PGM5: variants seen among roughly 807,000 people sequenced by gnomAD.
PGM5 encodes phosphoglucomutase-like protein 5.
In PGM5, 23 loss-of-function variants were observed where a neutral mutation model predicts 59.2. The ratio of observed to expected loss-of-function variants is 0.39; its 90% CI spans 0.28 to 0.55. The LOEUF is 0.55. Ranked by LOEUF, PGM5 falls within the 20% of genes least tolerant of loss-of-function variation. The pLI is 0.66. For synonymous variants in PGM5, 214 were observed against 286.0 expected (o/e 0.75, Z 2.54); for missense variants, 574 against 748.3 (o/e 0.77, Z 2.72).
intron 10 of PGM5, among the ~76,000 whole-genome samples, chr9:68,513,571 A>G (rs1181072243): frequency 1.3e-5 from 2 of 152,234 alleles, no homozygotes; most frequent in African/African-American, 2.4e-5. Flanking sequence ...GTGCTGTGAC[A>G]TTGCATGTCC....
Position 68,410,559 on chromosome 9 carries a change from G to C in PGM5, c.1043+18086G>C, listed in dbSNP as rs187288578. Among the ~76,000 whole-genome samples the C allele has an allele frequency of 6.4e-3, 945 of 147,346 alleles. 7 individuals carry two copies. Among genetic ancestry groups the C allele is most frequent in the African/African-American group, 0.024 (911 of 38,122 alleles). The stretch of plus-strand genomic sequence containing the variant: ...TGATGATGGTGATGAGGATGATGAT[G>C]AGGAGGAGGAGGAGGAGGAGGAGAG... On this transcript the variant is annotated intron_variant, in intron 6 of 10. Transcript: ENST00000396396.
At chr9:68,357,567 G>A (rs1386163094) in intron 1 of PGM5, among the ~76,000 whole-genome samples, 179 bp downstream of exon 1, 1 of 152,138 alleles carries the variant, frequency 6.6e-6, no homozygotes, top group African/African-American at 2.4e-5. Context: ...CAGCCTCCCC[G>A]GTGCACCCCG....
intron 10 of PGM5, among the ~76,000 whole-genome samples, chr9:68,508,753 C>T (rs1473927597): frequency 2.0e-5 from 3 of 152,236 alleles, no homozygotes; most frequent in Non-Finnish European, 4.4e-5. Flanking sequence ...CACAATCTGC[C>T]TTTCCCAGCA....
intron 2 of PGM5, among the ~76,000 whole-genome samples, chr9:68,380,710 A>G (rs1219952318): frequency 6.6e-6 from 1 of 151,922 alleles, no homozygotes; most frequent in African/African-American, 2.4e-5. Context: ...TCACTAAAAA[A>G]AGCAGACTCA....
At chr9:68,391,912 T>A (rs1352530421) in intron 5 of PGM5, among the ~76,000 whole-genome samples, 188 bp downstream of exon 5, 1 of 152,168 alleles carries the variant, frequency 6.6e-6, no homozygotes, top group Non-Finnish European at 1.5e-5. Flanking sequence ...TTTTCTTAGT[T>A]CCAGATTTAC....
At chr9:68,407,272 C>A (rs1554681222) in intron 6 of PGM5, among the ~76,000 whole-genome samples, 1 of 152,090 alleles carries the variant, frequency 6.6e-6, no homozygotes, top group Admixed American at 6.6e-5. Context: ...GGAACACAGA[C>A]ATGCACCACC....
At chr9:68,390,790 A>G (rs1238135233) in intron 4 of PGM5, among the ~76,000 whole-genome samples, 9 of 151,840 alleles carry the variant, frequency 5.9e-5, no homozygotes, top group South Asian at 4.2e-4. Flanking sequence ...TTCCACCAGA[A>G]ATGCTGCTTC....
intron 2 of PGM5, 33 bp downstream of exon 2, chr9:68,378,394 G>T (rs201293913): frequency 2.4e-5 from 38 of 1,552,518 alleles, no homozygotes; most frequent in Admixed American, 6.0e-5. Flanking sequence ...TAATAATTAC[G>T]ATTTCTTTCC....
chr9:68,381,194 T>C (rs1554678278), intron 2 of PGM5, among the ~76,000 whole-genome samples: 2 of 151,748 alleles, frequency 1.3e-5, no homozygotes, highest in African/African-American at 4.8e-5. Context: ...CAACAACACA[T>C]TAAAGAAATT....
At chr9:68,422,542 T>A (rs970872257) in intron 6 of PGM5, among the ~76,000 whole-genome samples, 2 of 152,078 alleles carry the variant, frequency 1.3e-5, no homozygotes, top group Non-Finnish European at 2.9e-5. Context: ...TCCTCCTGCC[T>A]CAGCCTCCCA....
chr9:68,479,719 G>A (rs1220247818), intron 8 of PGM5, among the ~76,000 whole-genome samples, 166 bp downstream of exon 8: 1 of 152,184 alleles, frequency 6.6e-6, no homozygotes, highest in Non-Finnish European at 1.5e-5. Flanking sequence ...CGGATCACGA[G>A]GTCAGGAGAT....
At chr9:68,451,205 A>G (rs1823690301) in intron 6 of PGM5, among the ~76,000 whole-genome samples, 1 of 152,226 alleles carries the variant, frequency 6.6e-6, no homozygotes, top group African/African-American at 2.4e-5. Flanking sequence ...AAAGACCTGA[A>G]AACAATTATA....
intron 10 of PGM5, among the ~76,000 whole-genome samples, chr9:68,520,340 A>G (rs2132118758): frequency 6.6e-6 from 1 of 152,220 alleles, no homozygotes; most frequent in South Asian, 2.1e-4. Flanking sequence ...TAAAGAAAAA[A>G]AAAAGAGGGA....
chr9:68,455,025 G>A (rs938862621), intron 6 of PGM5, among the ~76,000 whole-genome samples: 1 of 152,224 alleles, frequency 6.6e-6, no homozygotes, highest in Non-Finnish European at 1.5e-5. Flanking sequence ...ATGCAGTCTT[G>A]AAGATGGTTC....
At chr9:68,519,404 C>A (rs1235393340) in intron 10 of PGM5, among the ~76,000 whole-genome samples, 2 of 151,684 alleles carry the variant, frequency 1.3e-5, no homozygotes, top group Non-Finnish European at 2.9e-5. Flanking sequence ...AAGGTAAGAT[C>A]CTTGAATATA....
intron 6 of PGM5, among the ~76,000 whole-genome samples, chr9:68,462,588 A>G (rs782541351): frequency 6.6e-6 from 1 of 152,148 alleles, no homozygotes; most frequent in Non-Finnish European, 1.5e-5. Flanking sequence ...TTAATTGGAA[A>G]GGGTGGGAGC....
At chr9:68,413,942 C>A (rs1822979145) in intron 6 of PGM5, among the ~76,000 whole-genome samples, 1 of 152,098 alleles carries the variant, frequency 6.6e-6, no homozygotes, top group Non-Finnish European at 1.5e-5. Flanking sequence ...ATATGATTCC[C>A]AGTATTGAAG....
At chr9:68,472,533 C>T (rs1488525847) in intron 7 of PGM5, among the ~76,000 whole-genome samples, 6 of 152,280 alleles carry the variant, frequency 3.9e-5, no homozygotes, top group East Asian at 1.9e-4. Flanking sequence ...GAGACAACTT[C>T]GTCTGAGGGG....
At chr9:68,422,294 C>T (rs1554682407) in intron 6 of PGM5, among the ~76,000 whole-genome samples, 1 of 152,070 alleles carries the variant, frequency 6.6e-6, no homozygotes, top group Non-Finnish European at 1.5e-5. Context: ...ATTTGCATAG[C>T]AAACACTCAG....
Sources: gnomAD v4.1 joint callset for allele counts (sites outside exome capture counted in the v4.1 genomes callset) on GRCh38, gnomAD v4.1.1 for gene constraint, MANE v1.5 for transcripts, NCBI Gene and HGNC (gene_info 2026-07-23, HGNC 2026-07-21) for gene names.